Variants in ATG2A observed in about 807,000 individuals in gnomAD.
The protein encoded by ATG2A is autophagy related 2A.
ATG2A carries 103 observed loss-of-function variants against 214.2 expected under a neutral mutation model. The observed-to-expected ratio is 0.48, with a 90% CI of 0.41 to 0.57. The LOEUF (loss-of-function observed/expected upper bound fraction) is 0.57, where lower values mean the gene tolerates loss of function less well. Among genes scored for constraint, ATG2A ranks in the 20% least tolerant of loss-of-function variants. The pLI, the probability that ATG2A is intolerant of heterozygous loss-of-function variation, is 0.00. For synonymous variants in ATG2A, 1,160 were observed against 1,142.1 expected (o/e 1.02, Z -0.32); for missense variants, 2,312 against 2,613.2 (o/e 0.88, Z 2.51).
chr11:64,911,822 C>A lies in ATG2A; in HGVS notation c.1228+20G>T. The A allele has an allele frequency of 6.2e-7, 1 of 1,611,980 alleles. No homozygotes were observed. Among genetic ancestry groups the A allele is most frequent in the Non-Finnish European group, 8.5e-7 (1 of 1,179,782 alleles). On this transcript the variant is annotated intron_variant, in intron 9 of 40. Transcript: ENST00000377264. ...CAGTCCTTCCTGTCCCTGGAGTACC[C>A]CCAGGGTGCTCCAACTCACCAGCTG...
At position 64,910,700 on chromosome 11, in the gene ATG2A, G is replaced by A. The variant is rs771228776; in HGVS notation, c.1623C>T (p.Thr541=). Reference sequence around the variant, plus strand: ...CCTGGGAGCCCAGCGTACCAGGAAAGGTCAGGATCTGGGATGGGACCCGGG... The same window carrying A: ...CCTGGGAGCCCAGCGTACCAGGAAAAGTCAGGATCTGGGATGGGACCCGGG... ...TSEPEYTEIL[T]FPGTLGSQAS... Residue 541 remains threonine (T), a synonymous_variant, in exon 12 of 41, where the codon ACC becomes ACT. Transcript: ENST00000377264. 1 of 1,610,324 alleles carries A rather than the reference G, an allele frequency of 6.2e-7. No homozygotes were observed. The highest frequency in any genetic ancestry group is 1.7e-5 in the Admixed American group (1 of 59,680).
In ATG2A at chr11:64,903,436, G is replaced by C; in HGVS notation, c.3536-72C>G. On this transcript the variant is annotated intron_variant, in intron 25 of 40. Coordinates refer to ENST00000377264, the MANE Select transcript of ATG2A (RefSeq NM_015104.3). This position sits in a 1 kb window ranked among gnomAD's most constrained non-coding sequence, Gnocchi z 4.2. ...CCCCGGCCCCAGCACCTGGGGGAAG[G>C]ATCCGGTTGATCCAGGTGTAGTCCC... 6.4e-7 allele frequency: 1 copy of C among 1,566,506 alleles called. No individual in the cohort carries two copies. Among genetic ancestry groups the C allele is most frequent in the Non-Finnish European group, 8.7e-7 (1 of 1,143,200 alleles).
At chr11:64,907,688 G>A (rs1371456991) in intron 17 of ATG2A, 24 bp from the exon 18 acceptor site, 1 of 1,598,240 alleles carries the variant, frequency 6.3e-7, no homozygotes, top group South Asian at 1.1e-5. Flanking sequence ...GTGGACAGCA[G>A]GTAAGGGAGG....
In ATG2A at chr11:64,901,920, C is replaced by A. The variant is rs1040248897; in HGVS notation, c.4119+42G>T. The A allele has an allele frequency of 1.5e-5, 24 of 1,601,210 alleles. No individual in the cohort carries two copies. In the East Asian group the frequency reaches 1.8e-4, roughly 12 times the overall value. The stretch of plus-strand genomic sequence containing the variant: ...GTGTTCCGTCCCCGCTCCAAACACA[C>A]CTGCCTGGACGGCAAACTGGTCCAT... On this transcript the variant is annotated intron_variant, in intron 29 of 40. Transcript: ENST00000377264.
Position 64,913,535 on chromosome 11 carries a change from C to T in ATG2A, c.591-134G>A, listed in dbSNP as rs1314504738. The T allele has an allele frequency of 8.4e-7, 1 of 1,194,572 alleles. No individual in the cohort carries two copies. 74.0% of individuals were successfully genotyped at this position (1,194,572 alleles called of 1,614,324 possible). The stretch of plus-strand genomic sequence containing the variant: ...AGCTGCCCCATCACACCTAGGCCGT[C>T]CTGAACCACCATGTCCAGCCCGGAG... On this transcript the variant is annotated intron_variant, in intron 4 of 40. Transcript: ENST00000377264. The surrounding 1 kb of genome is among the most constrained non-coding windows in gnomAD (Gnocchi z 4.3).
intron 37 of ATG2A, 62 bp downstream of exon 37, chr11:64,897,350 C>A: frequency 1.3e-6 from 2 of 1,533,838 alleles, no homozygotes; most frequent in South Asian, 2.4e-5. Flanking sequence ...CACAACCAGT[C>A]AGGACCAGAA....
In ATG2A at chr11:64,913,374, C is replaced by T. The variant is rs1295784642; in HGVS notation, c.618G>A (p.Arg206=). The change falls in exon 5 of 41, where the codon CGG becomes CGA. Residue 206 remains arginine (R), a synonymous_variant. Coordinates refer to ENST00000377264, the MANE Select transcript of ATG2A (RefSeq NM_015104.3). The surrounding 1 kb of genome is among the most constrained non-coding windows in gnomAD (Gnocchi z 4.3). The stretch of plus-strand genomic sequence containing the variant: ...CCACCGGCGGCGCCTGGCTTGGGTC[C>T]CGCACTGCCTCATCACAGTACTCCA... ...QRLEYCDEAV[R]DPSQAPPVDV... is the part of the protein sequence containing the mutation. 16 of 1,597,186 alleles carry T rather than the reference C, an allele frequency of 1.0e-5. No homozygotes were observed. Among genetic ancestry groups the T allele is most frequent in the South Asian group, 3.4e-5 (3 of 88,900 alleles).
rs188815061 is a variant in ATG2A at position 64,910,336 on chromosome 11, G to A, written c.1708-141C>T. 2.1e-3 allele frequency: 2,736 copies of A among 1,291,916 alleles called. 4 individuals are homozygous for A. The highest frequency in any genetic ancestry group is 5.0e-3 in the Admixed American group (178 of 35,668). The allele number at this position is 1,291,916 out of a possible 1,614,324, so 80.0% of individuals were successfully genotyped here. On this transcript the variant is annotated intron_variant, in intron 12 of 40. Transcript: ENST00000377264. ...AAGGCCTGCCCCACCTTTGCCCGAC[G>A]CGCACAATGTGCTTGTTTACTTATA...
At chr11:64,907,957 G>T (rs748967166) in intron 16 of ATG2A, 67 bp from the exon 17 acceptor site, 71 of 1,536,818 alleles carry the variant, frequency 4.6e-5, no homozygotes, top group Non-Finnish European at 5.8e-5. Context: ...CCTGTCTCTG[G>T]TCTCAGTCCT....
chr11:64,909,507 A>G, intron 14 of ATG2A, 140 bp from the exon 15 acceptor site: 1 of 1,396,236 alleles, frequency 7.2e-7, no homozygotes, highest in Non-Finnish European at 9.8e-7. Flanking sequence ...CAAAGGGTCC[A>G]CCCTACTTGT....
rs1944204380 is a variant in ATG2A, at chr11:64,897,718, G to A, written c.5020C>T (p.Pro1674Ser). The change falls in exon 36 of 41, where the codon CCC becomes TCC. Residue 1674 changes from proline to serine, a missense_variant. Pro to Ser is a moderately conservative substitution (Grantham distance 74). Coordinates refer to ENST00000377264, the MANE Select transcript of ATG2A (RefSeq NM_015104.3). ...FREFRFTSEV[P>S]IWLDYHGKHV... ...TTGCCATGGTAATCCAGCCAGATGG[G>A]GACCTCAGACGTGAAGCGGAACTCT... The A allele has an allele frequency of 1.9e-6, 3 of 1,614,138 alleles. No homozygotes were observed. The highest frequency in any genetic ancestry group is 1.3e-5 in the African/African-American group (1 of 74,946).
rs1944872770 is a variant in ATG2A at position 64,913,809 on chromosome 11, G to A, written c.590+12C>T. The A allele has an allele frequency of 6.2e-7, 1 of 1,611,108 alleles. No homozygotes were observed. Among genetic ancestry groups the A allele is most frequent in the Non-Finnish European group, 8.5e-7 (1 of 1,179,354 alleles). ...CTTCACACCAGTCCACCCCAGATCG[G>A]CCTGCCCTTACCTCTGCACACGGAC... On this transcript the variant is annotated intron_variant, in intron 4 of 40. Coordinates refer to ENST00000377264, the MANE Select transcript of ATG2A (RefSeq NM_015104.3). The surrounding 1 kb of genome is among the most constrained non-coding windows in gnomAD (Gnocchi z 4.3).
Position 64,895,517 on chromosome 11 carries a change from GA to G in ATG2A, c.5428-76del. The G allele has an allele frequency of 1.4e-6, 2 of 1,436,078 alleles. No individual in the cohort carries two copies. The highest frequency in any genetic ancestry group is 9.2e-7 in the Non-Finnish European group (1 of 1,089,356). 89.0% of individuals were successfully genotyped at this position (1,436,078 alleles called of 1,614,324 possible). On this transcript the variant is annotated intron_variant, in intron 39 of 40. Transcript: ENST00000377264. This position sits in a 1 kb window ranked among gnomAD's most constrained non-coding sequence, Gnocchi z 5.0. ...CAGCCCCAGGCCCCCAGGACAGTCT[GA>G]GACCCCACCAGCCCTCAGCCTCCCT...
Position 64,902,407 on chromosome 11 carries a change from G to A in ATG2A, c.3778-21C>T, listed in dbSNP as rs777262605. ...GAGAGCTGGGCCAGGCAGGGGAGGA[G>A]CAATGAGTGAGACAGGACAGAGCTC... On this transcript the variant is annotated intron_variant, in intron 27 of 40. Transcript: ENST00000377264. The A allele has an allele frequency of 5.4e-5, 84 of 1,545,666 alleles. No individual in the cohort carries two copies. In the Admixed American group the frequency reaches 1.6e-3, roughly 29 times the overall value.
chr11:64,911,319 G>T lies in ATG2A; in HGVS notation c.1229-44C>A, dbSNP rs748956455. ...CAGCAGGGGCTCCCAACAGATTCCG[G>T]GTACCCCAGGTGGAGCAATAGTTTG... On this transcript the variant is annotated intron_variant, in intron 9 of 40. Coordinates refer to ENST00000377264, the MANE Select transcript of ATG2A (RefSeq NM_015104.3). 20 of 1,587,302 alleles carry T rather than the reference G, an allele frequency of 1.3e-5. No homozygotes were observed. In the South Asian group the frequency reaches 2.2e-4, roughly 18 times the overall value.
chr11:64,895,999 G>A lies in ATG2A; in HGVS notation c.5427+463C>T, dbSNP rs1040174115. Reference sequence around the variant, plus strand: ...AGGTTCCAGAATGCACCATGCACCTGCACTCACCCCTTAGCCGCCTAGGAC... The same window carrying A: ...AGGTTCCAGAATGCACCATGCACCTACACTCACCCCTTAGCCGCCTAGGAC... On this transcript the variant is annotated intron_variant, in intron 39 of 40. Coordinates refer to ENST00000377264, the MANE Select transcript of ATG2A (RefSeq NM_015104.3). The surrounding 1 kb of genome is among the most constrained non-coding windows in gnomAD (Gnocchi z 5.0). Among the ~76,000 whole-genome samples, 1 of 152,170 alleles carries A rather than the reference G, an allele frequency of 6.6e-6. No individual in the cohort carries two copies. Among genetic ancestry groups the A allele is most frequent in the East Asian group, 1.9e-4 (1 of 5,190 alleles).
chr11:64,910,674 G>T lies in ATG2A; in HGVS notation c.1649C>A (p.Ala550Asp). Residue 550 changes from alanine to aspartate, a missense_variant, in exon 12 of 41, where the codon GCC becomes GAC. By Grantham distance (126) the Ala-to-Asp change is moderately radical. Transcript: ENST00000377264. ...LTFPGTLGSQ[A>D]SARPCAHLRH... ...CAGATGGGCGCAGGGCCGAGCTGAGGCCTGGGAGCCCAGCGTACCAGGAAA... is the reference window on the plus strand; with the variant it reads ...CAGATGGGCGCAGGGCCGAGCTGAGTCCTGGGAGCCCAGCGTACCAGGAAA... 6.2e-7 allele frequency: 1 copy of T among 1,610,418 alleles called. No individual in the cohort carries two copies. The highest frequency in any genetic ancestry group is 8.5e-7 in the Non-Finnish European group (1 of 1,178,578).
rs373194441 is a variant in ATG2A at position 64,912,744 on chromosome 11, C to A, written c.825+294G>T. 3 of 453,396 alleles carry A rather than the reference C, an allele frequency of 6.6e-6. No individual in the cohort carries two copies. In the East Asian group the frequency reaches 1.3e-4, roughly 20 times the overall value. The allele number at this position is 453,396 out of a possible 1,614,324, so 28.1% of individuals were successfully genotyped here. A position where few individuals can be genotyped will look rare whatever the true frequency, so the allele number is the denominator to read the frequency against. On this transcript the variant is annotated intron_variant, in intron 6 of 40. Coordinates refer to ENST00000377264, the MANE Select transcript of ATG2A (RefSeq NM_015104.3). ...AAGAAGCTGGGATTACAGGCATGTG[C>A]CACCACGCCTGGCTAATTTTGTATT... is the stretch of plus-strand genomic sequence containing the variant.
intron 39 of ATG2A, among the ~76,000 whole-genome samples, chr11:64,896,021 G>C (rs958541365): frequency 6.6e-6 from 1 of 152,204 alleles, no homozygotes; most frequent in Non-Finnish European, 1.5e-5. Context: ...TAGCCGCCTA[G>C]GACCATCGAT....
Sources: gnomAD v4.1 joint callset for allele counts (sites outside exome capture counted in the v4.1 genomes callset) on GRCh38, gnomAD v4.1.1 for gene constraint, Gnocchi (gnomAD v3.1) non-coding constraint, MANE v1.5 for transcripts, NCBI Gene and HGNC (gene_info 2026-07-23, HGNC 2026-07-21) for gene names.